Variants in ISX observed in about 807,000 individuals in gnomAD.
The protein encoded by ISX is intestine specific homeobox, also known as intestine-specific homeobox.
In ISX, 15 loss-of-function variants were observed where a neutral mutation model predicts 16.9. The ratio of observed to expected loss-of-function variants is 0.89; its 90% CI spans 0.59 to 1.36. ISX has a LOEUF of 1.36. Ranked by LOEUF, ISX falls within the 40% of genes most tolerant of loss-of-function variation. The pLI is 0.00. For missense variants in ISX, 316 were observed against 306.1 expected, an observed-to-expected ratio of 1.03 and a Z score of -0.24; for synonymous variants, 125 against 119.7, an observed-to-expected ratio of 1.04 and a Z score of -0.29.
intron 2 of ISX, 58 bp downstream of exon 2, chr22:35,067,374 C>T: frequency 8.0e-7 from 1 of 1,255,308 alleles, no homozygotes; most frequent in Non-Finnish European, 1.1e-6. Flanking sequence ...CAGCTGGGCT[C>T]AGGCAGAGAA....
intron 2 of ISX, among the ~76,000 whole-genome samples, chr22:35,069,511 T>G (rs984500995): frequency 1.3e-5 from 2 of 152,194 alleles, no homozygotes; most frequent in Non-Finnish European, 2.9e-5. Context: ...TGACATGCCA[T>G]GACCAACTTA....
chr22:35,070,998 C>T (rs1244502711), intron 2 of ISX, among the ~76,000 whole-genome samples: 1 of 152,136 alleles, frequency 6.6e-6, no homozygotes, highest in African/African-American at 2.4e-5. Context: ...TATACAAAAA[C>T]AGGGGTCAGG....
intron 4 of ISX, 135 bp downstream of exon 4, chr22:35,084,634 G>A (rs1322263045): frequency 3.5e-6 from 2 of 576,574 alleles, no homozygotes; most frequent in Non-Finnish European, 6.1e-6. Context: ...ATTAGAAACA[G>A]CATGGGGCAA....
intron 2 of ISX, among the ~76,000 whole-genome samples, chr22:35,074,663 C>T (rs368575839): frequency 3.9e-5 from 6 of 152,308 alleles, no homozygotes; most frequent in African/African-American, 1.4e-4. Flanking sequence ...GTAAAGAGAA[C>T]AATTAAATTC....
At chr22:35,083,711 G>T (rs1348393905) in intron 3 of ISX, among the ~76,000 whole-genome samples, 3 of 152,148 alleles carry the variant, frequency 2.0e-5, no homozygotes, top group Non-Finnish European at 2.9e-5. Flanking sequence ...TCTGGCTGGG[G>T]ACCACTCATG....
Position 35,082,389 on chromosome 22 carries a change from G to A in ISX, c.230-129G>A, listed in dbSNP as rs1929140659. Reference sequence around the variant, plus strand: ...GAAAGAGAATACTGTGAAGCTCCAAGCTCAAGAAGCCAGGGGCCAAGGCTC... The same window carrying A: ...GAAAGAGAATACTGTGAAGCTCCAAACTCAAGAAGCCAGGGGCCAAGGCTC... On this transcript the variant is annotated intron_variant, in intron 2 of 4. Coordinates refer to ENST00000404699, the MANE Select transcript of ISX (RefSeq NM_001303508.2). The A allele has an allele frequency of 1.4e-5, 12 of 843,046 alleles. No homozygotes were observed. The East Asian group carries it at 2.9e-4, about 21-fold the overall frequency. 52.2% of individuals were successfully genotyped at this position (843,046 alleles called of 1,614,324 possible).
intron 2 of ISX, among the ~76,000 whole-genome samples, chr22:35,073,893 G>A (rs1346342181): frequency 2.6e-5 from 4 of 152,234 alleles, no homozygotes; most frequent in Admixed American, 6.5e-5. Flanking sequence ...CGACAGGAAA[G>A]TGTACAGTGA....
rs561084848 is a variant in ISX at position 35,083,233 on chromosome 22, G to A, written c.381+564G>A. On this transcript the variant is annotated intron_variant, in intron 3 of 4. Coordinates refer to ENST00000404699, the MANE Select transcript of ISX (RefSeq NM_001303508.2). ...TCTAGCCATTTAAAAATGTGAAAAC[G>A]ATTCTTAGTTCATGAACCATTCAAA... Among the ~76,000 whole-genome samples the A allele has an allele frequency of 2.0e-5, 3 of 152,100 alleles. No individual in the cohort carries two copies. In the East Asian group the frequency reaches 5.8e-4, roughly 29 times the overall value.
chr22:35,081,840 A>C (rs1188590287), intron 2 of ISX, among the ~76,000 whole-genome samples: 1 of 152,252 alleles, frequency 6.6e-6, no homozygotes, highest in Non-Finnish European at 1.5e-5. Flanking sequence ...TATGGAAAAA[A>C]TAAAAAGCTA....
At chr22:35,069,033 C>T (rs1405690310) in intron 2 of ISX, among the ~76,000 whole-genome samples, 2 of 152,278 alleles carry the variant, frequency 1.3e-5, no homozygotes, top group East Asian at 1.9e-4. Flanking sequence ...TTTCTGAAAG[C>T]TTGGAGAGGG....
chr22:35,080,645 C>T (rs1390199575), intron 2 of ISX, among the ~76,000 whole-genome samples: 1 of 152,200 alleles, frequency 6.6e-6, no homozygotes, highest in Non-Finnish European at 1.5e-5. Context: ...TAATCACATC[C>T]ACCACCACTG....
chr22:35,084,498 C>T lies in ISX; in HGVS notation c.497C>T (p.Ala166Val), dbSNP rs376354873. The T allele has an allele frequency of 1.2e-6, 2 of 1,601,038 alleles. No individual in the cohort carries two copies. Reference protein sequence around the residue: ...SVALPTNLDVAGPTWTSTALR... With the variant: ...SVALPTNLDVVGPTWTSTALR... ...GCCCTGCCCACAAATCTGGATGTGGCTGTAAGTGGCTGAGGCCTCAAGGTA... is the reference window on the plus strand; with the variant it reads ...GCCCTGCCCACAAATCTGGATGTGGTTGTAAGTGGCTGAGGCCTCAAGGTA... Residue 166 changes from alanine (A) to valine (V), a missense_variant and splice_region_variant, in exon 4 of 5, where the codon GCT (alanine) becomes GTT (valine). Ala to Val is a moderately conservative substitution (Grantham distance 64). Transcript: ENST00000404699.
chr22:35,086,737 A>T lies in ISX; in HGVS notation c.*1044A>T, dbSNP rs1461810139. ...TGTGGAGTGATATTGTTATTCCAAGATTCCACTGCAAAAGTGGCTGCTTTG... is the reference window on the plus strand; with the variant it reads ...TGTGGAGTGATATTGTTATTCCAAGTTTCCACTGCAAAAGTGGCTGCTTTG... On this transcript the variant is annotated 3_prime_UTR_variant, in exon 5 of 5. Transcript: ENST00000404699. The T allele has an allele frequency of 6.6e-6, 1 of 152,272 alleles. No homozygotes were observed. The highest frequency in any genetic ancestry group is 6.5e-5 in the Admixed American group (1 of 15,290). The allele number at this position is 152,272 out of a possible 1,614,324, so 9.4% of individuals were successfully genotyped here. A position where few individuals can be genotyped will look rare whatever the true frequency, so the allele number is the denominator to read the frequency against.
chr22:35,074,905 A>G (rs538666355), intron 2 of ISX, among the ~76,000 whole-genome samples: 18 of 152,188 alleles, frequency 1.2e-4, no homozygotes, highest in African/African-American at 4.3e-4. Context: ...ACACGCACAC[A>G]TGCACACAAC....
Position 35,066,931 on chromosome 22 carries a change from C to T in ISX, c.-157C>T, listed in dbSNP as rs894576473. 3.3e-6 allele frequency: 2 copies of T among 608,428 alleles called. No individual in the cohort carries two copies. The highest frequency in any genetic ancestry group is 5.8e-6 in the Non-Finnish European group (2 of 343,854). The allele number at this position is 608,428 out of a possible 1,614,324, so 37.7% of individuals were successfully genotyped here. Reference sequence around the variant, plus strand: ...CTGCTGTGACCTGCCCATGGAAGTCCCTGTGGACACGAAATCCTGTTTGGA... The same window carrying T: ...CTGCTGTGACCTGCCCATGGAAGTCTCTGTGGACACGAAATCCTGTTTGGA... On this transcript the variant is annotated 5_prime_UTR_variant, in exon 2 of 5. Transcript: ENST00000404699.
Position 35,084,278 on chromosome 22 carries a change from A to G in ISX, c.382-105A>G, listed in dbSNP as rs902234059. On this transcript the variant is annotated intron_variant, in intron 3 of 4. Coordinates refer to ENST00000404699, the MANE Select transcript of ISX (RefSeq NM_001303508.2). ...TGGATGCCACAGAGCTTTACAAACT[A>G]TAAAGTACAGTCCCTTGGAAGGTGT... 6.7e-6 allele frequency: 5 copies of G among 748,670 alleles called. No individual in the cohort carries two copies. In the Admixed American group the frequency reaches 6.7e-5, roughly 10 times the overall value. 46.4% of individuals were successfully genotyped at this position (748,670 alleles called of 1,614,324 possible).
chr22:35,080,861 G>A (rs1032690412), intron 2 of ISX, among the ~76,000 whole-genome samples: 1 of 152,180 alleles, frequency 6.6e-6, no homozygotes, highest in Non-Finnish European at 1.5e-5. Context: ...ATCCCAGCAG[G>A]TGTCCACCTC....
At chr22:35,077,701 A>G (rs1929020377) in intron 2 of ISX, among the ~76,000 whole-genome samples, 1 of 151,914 alleles carries the variant, frequency 6.6e-6, no homozygotes, top group South Asian at 2.1e-4. Context: ...GAGAAAACAT[A>G]TTTTTCTCAC....
chr22:35,072,210 C>G (rs1413112563), intron 2 of ISX, among the ~76,000 whole-genome samples: 2 of 152,190 alleles, frequency 1.3e-5, no homozygotes, highest in African/African-American at 4.8e-5. Flanking sequence ...GAATTGAGAA[C>G]CTGGCTCAGT....
Sources: allele counts gnomAD v4.1 joint callset (sites outside exome capture counted in the v4.1 genomes callset), GRCh38; gene constraint gnomAD v4.1.1; transcripts MANE v1.5; gene names NCBI Gene and HGNC (gene_info 2026-07-23, HGNC 2026-07-21).